Variants in LMNB1 observed in about 807,000 individuals in gnomAD.
LMNB1 encodes lamin-B1.
Under a neutral mutation model 67.1 loss-of-function variants are expected in LMNB1, and 23 were observed. That is an observed-to-expected ratio of 0.34 (90% CI 0.25 to 0.49). The LOEUF (loss-of-function observed/expected upper bound fraction) is 0.49, where lower values mean the gene tolerates loss of function less well. Among genes scored for constraint, LMNB1 ranks in the 20% least tolerant of loss-of-function variants. LMNB1 has a pLI of 0.99. For missense variants in LMNB1, 634 were observed against 746.5 expected (o/e 0.85, Z 1.76); for synonymous variants, 281 against 282.9 (o/e 0.99, Z 0.07).
intron 1 of LMNB1, among the ~76,000 whole-genome samples, chr5:126,778,583 G>A (rs1323147182): frequency 6.6e-6 from 1 of 152,206 alleles, no homozygotes; most frequent in Non-Finnish European, 1.5e-5. Flanking sequence ...GGGGAAATGT[G>A]TCCTGTCCCA....
intron 1 of LMNB1, among the ~76,000 whole-genome samples, chr5:126,779,612 A>G (rs7732759): frequency 6.6e-6 from 1 of 152,206 alleles, no homozygotes; most frequent in African/African-American, 2.4e-5. Flanking sequence ...TAAAATGTCA[A>G]ACAGGGCCGG....
At chr5:126,828,841 T>C (rs1292879023) in intron 9 of LMNB1, among the ~76,000 whole-genome samples, 1 of 152,202 alleles carries the variant, frequency 6.6e-6, no homozygotes, top group Non-Finnish European at 1.5e-5. Flanking sequence ...ATTACAGGTG[T>C]GAGCCACCAT....
intron 3 of LMNB1, among the ~76,000 whole-genome samples, chr5:126,806,050 G>T (rs1751412976): frequency 6.6e-6 from 1 of 152,198 alleles, no homozygotes; most frequent in South Asian, 2.1e-4. Flanking sequence ...TGCCTCCTGG[G>T]TTCAAGCAGT....
chr5:126,810,780 TC>T (rs1426577422), intron 4 of LMNB1, among the ~76,000 whole-genome samples: 1 of 152,244 alleles, frequency 6.6e-6, no homozygotes, highest in African/African-American at 2.4e-5. Context: ...CTACCACACT[TC>T]CGGCTTTTTT....
chr5:126,777,846 A>G lies in LMNB1; in HGVS notation c.338A>G (p.Glu113Gly). ...LQIELGKCKAEHDQLLLNYAK... is the reference protein window; with the variant it reads ...LQIELGKCKAGHDQLLLNYAK... ...ATCGAGCTGGGCAAGTGCAAGGCGG[A>G]ACACGACCAGCTGCTCCTCAAGTGA... The change falls in exon 1 of 11, where the codon GAA (glutamate) becomes GGA (glycine). Residue 113 changes from glutamate (E) to glycine (G), a missense_variant. By Grantham distance (98) the Glu-to-Gly change is moderately conservative. Transcript: ENST00000261366. The G allele has an allele frequency of 6.9e-7, 1 of 1,442,812 alleles. No homozygotes were observed. The highest frequency in any genetic ancestry group is 9.1e-7 in the Non-Finnish European group (1 of 1,095,762). The allele number at this position is 1,442,812 out of a possible 1,614,324, so 89.4% of individuals were successfully genotyped here.
chr5:126,778,985 T>C (rs1750555589), intron 1 of LMNB1, among the ~76,000 whole-genome samples: 1 of 152,214 alleles, frequency 6.6e-6, no homozygotes, highest in Non-Finnish European at 1.5e-5. Flanking sequence ...CAACAAGTGT[T>C]GATGTCATGC....
intron 3 of LMNB1, among the ~76,000 whole-genome samples, chr5:126,806,055 A>T (rs1751413117): frequency 6.6e-6 from 1 of 152,168 alleles, no homozygotes; most frequent in Non-Finnish European, 1.5e-5. Flanking sequence ...CCTGGGTTCA[A>T]GCAGTTCTCC....
At chr5:126,793,597 G>A (rs926912330) in intron 1 of LMNB1, among the ~76,000 whole-genome samples, 4 of 152,110 alleles carry the variant, frequency 2.6e-5, no homozygotes, top group Non-Finnish European at 5.9e-5. Context: ...TCACAAGGCC[G>A]GGCATGGTGG....
intron 1 of LMNB1, among the ~76,000 whole-genome samples, chr5:126,785,812 G>A (rs1216054009): frequency 6.6e-6 from 1 of 151,804 alleles, no homozygotes; most frequent in Non-Finnish European, 1.5e-5. Flanking sequence ...TCAGCAGTTC[G>A]AGACCAGCCT....
At position 126,799,827 on chromosome 5, in the gene LMNB1, GA is replaced by G. The variant is rs1268853460; in HGVS notation, c.360-4944del. Among the ~76,000 whole-genome samples, 7 of 152,312 alleles carry G rather than the reference GA, an allele frequency of 4.6e-5. No homozygotes were observed. In the East Asian group the frequency reaches 5.8e-4, roughly 13 times the overall value. On this transcript the variant is annotated intron_variant, in intron 1 of 10. Transcript: ENST00000261366. ...TGCCACTGTACATTTGTGTGGGTTA[GA>G]AAAAGCAAAAGTGTGTTCATAACCT...
chr5:126,778,346 C>A (rs992076173), intron 1 of LMNB1, among the ~76,000 whole-genome samples: 1 of 152,180 alleles, frequency 6.6e-6, no homozygotes, highest in Admixed American at 6.5e-5. Context: ...CAGCCCGCCT[C>A]TAGAATGAAT....
intron 1 of LMNB1, among the ~76,000 whole-genome samples, chr5:126,791,279 G>C (rs1224491141): frequency 2.0e-5 from 3 of 151,922 alleles, no homozygotes; most frequent in Admixed American, 1.3e-4. Flanking sequence ...AAATTTTCTT[G>C]AGATTTTCTC....
chr5:126,835,956 G>A (rs898896296), intron 10 of LMNB1, among the ~76,000 whole-genome samples: 1 of 152,176 alleles, frequency 6.6e-6, no homozygotes, highest in Non-Finnish European at 1.5e-5. Context: ...TGAGGCATGA[G>A]AATCGCTTGA....
At chr5:126,798,306 T>C (rs1751162754) in intron 1 of LMNB1, among the ~76,000 whole-genome samples, 1 of 151,720 alleles carries the variant, frequency 6.6e-6, no homozygotes, top group Non-Finnish European at 1.5e-5. Flanking sequence ...AAAAATTAGC[T>C]GGGCATGGTG....
At chr5:126,778,883 A>G (rs1340624309) in intron 1 of LMNB1, among the ~76,000 whole-genome samples, 1 of 152,116 alleles carries the variant, frequency 6.6e-6, no homozygotes, top group East Asian at 1.9e-4. Flanking sequence ...AGCGAGTGCG[A>G]GTTTTCATTC....
chr5:126,831,175 A>G (rs955015683), intron 9 of LMNB1, among the ~76,000 whole-genome samples: 3 of 152,236 alleles, frequency 2.0e-5, no homozygotes, highest in African/African-American at 7.2e-5. Flanking sequence ...CTGCCATTGT[A>G]AACTAGCTGG....
intron 5 of LMNB1, among the ~76,000 whole-genome samples, chr5:126,814,451 G>A (rs1438415120): frequency 3.9e-5 from 6 of 152,008 alleles, no homozygotes; most frequent in African/African-American, 1.2e-4. Flanking sequence ...TTAATAAGTA[G>A]TAGTGGGCTC....
At position 126,836,781 on chromosome 5, in the gene LMNB1, G is replaced by C. The variant is rs1265820476; in HGVS notation, c.*517G>C. The C allele has an allele frequency of 2.6e-6, 1 of 387,710 alleles. No homozygotes were observed. The highest frequency in any genetic ancestry group is 4.5e-6 in the Non-Finnish European group (1 of 220,242). 24.0% of individuals were successfully genotyped at this position (387,710 alleles called of 1,614,324 possible). A position where few individuals can be genotyped will look rare whatever the true frequency, so the allele number is the denominator to read the frequency against. ...TAATTTTTTTTAAAATAGAAATTTT[G>C]TAAGAAGGCAATATTAACCTAATCA... is the stretch of plus-strand genomic sequence containing the variant. On this transcript the variant is annotated 3_prime_UTR_variant, in exon 11 of 11. Transcript: ENST00000261366.
intron 9 of LMNB1, among the ~76,000 whole-genome samples, chr5:126,827,057 G>C (rs1340661412): frequency 6.6e-6 from 1 of 152,166 alleles, no homozygotes. Context: ...CAGGCTGGCA[G>C]GCTCTGCTGT....
Sources: allele counts gnomAD v4.1 joint callset (sites outside exome capture counted in the v4.1 genomes callset), GRCh38; gene constraint gnomAD v4.1.1; transcripts MANE v1.5; gene names NCBI Gene and HGNC (gene_info 2026-07-23, HGNC 2026-07-21).